Variants in KCNQ5 observed in about 807,000 individuals in gnomAD.
KCNQ5 encodes potassium voltage-gated channel subfamily Q member 5, also known as potassium voltage-gated channel subfamily KQT member 5.
A neutral mutation model predicts 98.2 loss-of-function variants in KCNQ5; 30 were observed. The ratio of observed to expected loss-of-function variants is 0.31; its 90% CI spans 0.23 to 0.41. KCNQ5 has a LOEUF of 0.41. Ranked by LOEUF, KCNQ5 falls within the 10% of genes least tolerant of loss-of-function variation. The probability of loss-of-function intolerance (pLI) is 1.00; values close to 1 mark genes in which losing one functional copy is unlikely to be tolerated. For synonymous variants in KCNQ5, 458 were observed against 449.4 expected (o/e 1.02, Z -0.24); for missense variants, 835 against 1,182.5 (o/e 0.71, Z 4.31).
intron 1 of KCNQ5, among the ~76,000 whole-genome samples, chr6:72,643,684 A>G (rs1219834155): frequency 6.6e-6 from 1 of 152,182 alleles, no homozygotes; most frequent in Non-Finnish European, 1.5e-5. Context: ...ACTTCTGGTC[A>G]CAAGCATTTC....
chr6:72,674,608 A>AAAAATACAAATACAAAATAC (rs1284232970), intron 1 of KCNQ5, among the ~76,000 whole-genome samples: 8 of 152,204 alleles, frequency 5.3e-5, no homozygotes, highest in African/African-American at 1.9e-4. Context: ...CGTCTCTACT[A>AAAAATACAAATACAAAATAC]AAAATACAAA....
intron 1 of KCNQ5, among the ~76,000 whole-genome samples, chr6:72,685,946 C>G (rs1767929365): frequency 6.6e-6 from 1 of 152,150 alleles, no homozygotes; most frequent in Admixed American, 6.5e-5. Flanking sequence ...AGTGAGGGTC[C>G]TCTTCTTAGC....
At chr6:72,834,566 T>C (rs1362482134) in intron 1 of KCNQ5, among the ~76,000 whole-genome samples, 1 of 152,174 alleles carries the variant, frequency 6.6e-6, no homozygotes, top group Non-Finnish European at 1.5e-5. Context: ...CCAAAATAGT[T>C]CTATTGAACA....
In KCNQ5 at chr6:72,840,387, A is replaced by T. The variant is rs185446354; in HGVS notation, c.399-163521A>T. The stretch of plus-strand genomic sequence containing the variant: ...GTCCTGTGCTTGCATACTTAAAAGA[A>T]TAGCAAGAGACTTGAGCGGAATTTA... On this transcript the variant is annotated intron_variant, in intron 1 of 13. Transcript: ENST00000370398. Among the ~76,000 whole-genome samples the T allele has an allele frequency of 2.6e-5, 4 of 152,338 alleles. No individual in the cohort carries two copies. In the East Asian group the frequency reaches 7.7e-4, roughly 29 times the overall value.
At chr6:72,801,788 T>C (rs1250241088) in intron 1 of KCNQ5, among the ~76,000 whole-genome samples, 6 of 152,240 alleles carry the variant, frequency 3.9e-5, no homozygotes, top group South Asian at 4.2e-4. Context: ...CTATGTTTAG[T>C]GCTTCCTTCA....
chr6:72,814,924 G>A (rs1028623792), intron 1 of KCNQ5, among the ~76,000 whole-genome samples: 3 of 152,178 alleles, frequency 2.0e-5, no homozygotes, highest in African/African-American at 7.2e-5. Context: ...ACGGTTTGGT[G>A]TAATATTCTT....
chr6:73,197,323 A>G lies in KCNQ5; in HGVS notation c.*1909A>G, dbSNP rs1765822264. On this transcript the variant is annotated 3_prime_UTR_variant, in exon 14 of 14. Coordinates refer to ENST00000370398, the MANE Select transcript of KCNQ5 (RefSeq NM_019842.4). ...ACCTTTTAGAACCTTGTCCCTTTTGATAAACATGGAAATTTTTAAAGCTTC... is the reference window on the plus strand; with the variant it reads ...ACCTTTTAGAACCTTGTCCCTTTTGGTAAACATGGAAATTTTTAAAGCTTC... 6.6e-6 allele frequency: 1 copy of G among 152,086 alleles called. No individual in the cohort carries two copies. Among genetic ancestry groups the G allele is most frequent in the African/African-American group, 2.4e-5 (1 of 41,400 alleles). The allele number at this position is 152,086 out of a possible 1,614,324, so 9.4% of individuals were successfully genotyped here. A position where few individuals can be genotyped will look rare whatever the true frequency, so the allele number is the denominator to read the frequency against.
At chr6:73,009,344 T>C (rs1321004848) in intron 2 of KCNQ5, among the ~76,000 whole-genome samples, 1 of 151,946 alleles carries the variant, frequency 6.6e-6, no homozygotes, top group Non-Finnish European at 1.5e-5. Context: ...TCTTAGAAAT[T>C]AATGAAAACA....
intron 1 of KCNQ5, among the ~76,000 whole-genome samples, chr6:72,893,934 T>C (rs1359024725): frequency 6.6e-6 from 1 of 152,166 alleles, no homozygotes; most frequent in Non-Finnish European, 1.5e-5. Context: ...TTCTCATCCT[T>C]TCTGATGTTC....
chr6:73,038,074 T>C (rs1307181085), intron 2 of KCNQ5, among the ~76,000 whole-genome samples: 1 of 152,114 alleles, frequency 6.6e-6, no homozygotes, highest in African/African-American at 2.4e-5. Flanking sequence ...ATAATCTCAA[T>C]GCACATAAAC....
At position 72,805,956 on chromosome 6, in the gene KCNQ5, T is replaced by A. The variant is rs1490659624; in HGVS notation, c.398+183369T>A. Among the ~76,000 whole-genome samples the A allele has an allele frequency of 2.0e-5, 3 of 152,136 alleles. No individual in the cohort carries two copies. The East Asian group carries it at 5.8e-4, about 29-fold the overall frequency. ...ATGGGATCACTTCCATGATTTCTTTTTCAGATTGTTTGCTGTTGGCATATA... is the reference window on the plus strand; with the variant it reads ...ATGGGATCACTTCCATGATTTCTTTATCAGATTGTTTGCTGTTGGCATATA... On this transcript the variant is annotated intron_variant, in intron 1 of 13. Coordinates refer to ENST00000370398, the MANE Select transcript of KCNQ5 (RefSeq NM_019842.4).
At chr6:72,826,520 G>A (rs551764639) in intron 1 of KCNQ5, among the ~76,000 whole-genome samples, 162 of 151,994 alleles carry the variant, frequency 1.1e-3, no homozygotes, top group Middle Eastern at 6.8e-3. Context: ...TCATGCTTAT[G>A]TTTAATGTCT....
intron 5 of KCNQ5, among the ~76,000 whole-genome samples, chr6:73,100,630 C>G (rs184078916): frequency 1.3e-5 from 2 of 151,326 alleles, no homozygotes; most frequent in East Asian, 1.9e-4. Context: ...GATCACACCA[C>G]TGCACTCCAG....
At chr6:72,634,350 T>G (rs2154471701) in intron 1 of KCNQ5, among the ~76,000 whole-genome samples, 1 of 152,362 alleles carries the variant, frequency 6.6e-6, no homozygotes, top group South Asian at 2.1e-4. Flanking sequence ...TGCTAGCTTA[T>G]TTTCTTATCA....
At chr6:72,936,918 AT>A (rs1462430518) in intron 1 of KCNQ5, among the ~76,000 whole-genome samples, 1 of 151,966 alleles carries the variant, frequency 6.6e-6, no homozygotes, top group African/African-American at 2.4e-5. Context: ...TTGTTCATGG[AT>A]TTGCTTGTCT....
chr6:72,762,444 T>C (rs2154477083), intron 1 of KCNQ5, among the ~76,000 whole-genome samples: 1 of 152,136 alleles, frequency 6.6e-6, no homozygotes, highest in South Asian at 2.1e-4. Flanking sequence ...ACGTTTTAAG[T>C]TTAGATCTTA....
intron 2 of KCNQ5, among the ~76,000 whole-genome samples, chr6:73,039,928 C>T (rs1036512330): frequency 2.0e-4 from 31 of 152,134 alleles, no homozygotes; most frequent in African/African-American, 7.2e-4. Context: ...TGATGAAGTT[C>T]CCAAATACGA....
intron 10 of KCNQ5, among the ~76,000 whole-genome samples, chr6:73,139,940 C>A (rs918076923): frequency 6.6e-6 from 1 of 151,982 alleles, no homozygotes; most frequent in Non-Finnish European, 1.5e-5. Context: ...TAGAAATACA[C>A]CATGTGGGGT....
At chr6:72,971,804 C>G (rs1373059804) in intron 1 of KCNQ5, among the ~76,000 whole-genome samples, 3 of 152,024 alleles carry the variant, frequency 2.0e-5, no homozygotes, top group Non-Finnish European at 2.9e-5. Flanking sequence ...CACTTGGACA[C>G]AGGAAGGGGG....
Sources: gnomAD v4.1 joint callset for allele counts (sites outside exome capture counted in the v4.1 genomes callset) on GRCh38, gnomAD v4.1.1 for gene constraint, MANE v1.5 for transcripts, NCBI Gene and HGNC (gene_info 2026-07-23, HGNC 2026-07-21) for gene names.